Variants in PCDHA1 observed in about 807,000 individuals in gnomAD.
PCDHA1 encodes protocadherin alpha 1.
In PCDHA1, 42 loss-of-function variants were observed where a neutral mutation model predicts 61.3. That is an observed-to-expected ratio of 0.69 (90% CI 0.54 to 0.89). The LOEUF (loss-of-function observed/expected upper bound fraction) is 0.89, where lower values mean the gene tolerates loss of function less well. PCDHA1 is among the 40% of genes least tolerant of loss of function. The pLI is 0.00. For synonymous variants in PCDHA1, 610 were observed against 553.8 expected, an observed-to-expected ratio of 1.10 and a Z score of -1.43; for missense variants, 1,256 against 1,235.3, an observed-to-expected ratio of 1.02 and a Z score of -0.25.
At chr5:140,998,094 GCAAA>G (rs1182835904) in intron 3 of PCDHA1, among the ~76,000 whole-genome samples, 7 of 152,226 alleles carry the variant, frequency 4.6e-5, no homozygotes, top group African/African-American at 1.4e-4. Flanking sequence ...AAATGCTAGA[GCAAA>G]CAGAGGAGAA....
chr5:140,966,515 G>A, intron 1 of PCDHA1: 1 of 436,996 alleles, frequency 2.3e-6, no homozygotes, highest in East Asian at 3.5e-5. Context: ...AGCAGCAGCA[G>A]GAAGCCGAGC....
rs74450843 is a variant in PCDHA1 at position 140,951,654 on chromosome 5, C to A, written c.2395-27295C>A. ...GCCCCATGATCTAATCACCTCCCAC[C>A]AGGGCCTGCCTACAAAATTGGGGAT... On this transcript the variant is annotated intron_variant, in intron 1 of 3. Coordinates refer to ENST00000504120, the MANE Select transcript of PCDHA1 (RefSeq NM_018900.4). 1.1e-4 allele frequency among the ~76,000 whole-genome samples: 16 copies of A among 152,248 alleles called. No homozygotes were observed. In the East Asian group the frequency reaches 3.1e-3, roughly 29 times the overall value.
intron 1 of PCDHA1, chr5:140,870,762 C>T (rs1581982773): frequency 1.2e-6 from 2 of 1,613,514 alleles, no homozygotes; most frequent in East Asian, 2.2e-5. Context: ...TGCAGGTGTT[C>T]GTGCTGGACG....
chr5:140,823,778 T>C (rs2150129086), intron 1 of PCDHA1: 2 of 1,613,772 alleles, frequency 1.2e-6, no homozygotes, highest in East Asian at 2.2e-5. Context: ...CTGGTGTCGC[T>C]GGTGGAAAGT....
rs782622769 is a variant in PCDHA1, at chr5:140,786,587, C to G, written c.297C>G (p.Ser99Arg). Residue 99 changes from serine (S) to arginine (R), a missense_variant, in exon 1 of 4, where the codon AGC (serine) becomes AGG (arginine). Coordinates refer to ENST00000504120, the MANE Select transcript of PCDHA1 (RefSeq NM_018900.4). ...ATCGCGAGGAGCTGTGCCAGTGGAGCGCGGAGTGCAGCATCCACCTGGAGT... is the reference window on the plus strand; with the variant it reads ...ATCGCGAGGAGCTGTGCCAGTGGAGGGCGGAGTGCAGCATCCACCTGGAGT... The part of the protein sequence containing the change: ...RIDREELCQW[S>R]AECSIHLELI... The G allele has an allele frequency of 1.1e-5, 17 of 1,614,218 alleles. No individual in the cohort carries two copies. Among genetic ancestry groups the G allele is most frequent in the Non-Finnish European group, 1.4e-5 (17 of 1,180,038 alleles).
chr5:140,788,470 C>T lies in PCDHA1; in HGVS notation c.2180C>T (p.Pro727Leu), dbSNP rs1358413256. The T allele has an allele frequency of 6.2e-7, 1 of 1,614,096 alleles. No individual in the cohort carries two copies. Residue 727 changes from proline to leucine, a missense_variant, in exon 1 of 4, where the codon CCC becomes CTC. Physicochemically the swap from Pro to Leu is moderately conservative, Grantham distance 98 (BLOSUM62 -3). Coordinates refer to ENST00000504120, the MANE Select transcript of PCDHA1 (RefSeq NM_018900.4). ...LYTALRCSVP[P>L]TEGAYVPGKP... ...ACGGCGCTGCGGTGCTCAGTGCCGC[C>T]CACTGAGGGTGCGTATGTGCCGGGC... is the stretch of plus-strand genomic sequence containing the variant.
chr5:140,871,066 G>A (rs1554165067), intron 1 of PCDHA1: 4 of 1,613,276 alleles, frequency 2.5e-6, no homozygotes, highest in South Asian at 2.2e-5. Flanking sequence ...GGATCACGGT[G>A]AGCCGGCGCT....
intron 1 of PCDHA1, chr5:140,795,917 T>C (rs965421102): frequency 6.2e-7 from 1 of 1,613,832 alleles, no homozygotes; most frequent in Non-Finnish European, 8.5e-7. Flanking sequence ...TCCTACGAGA[T>C]TCAGGTCACT....
intron 1 of PCDHA1, among the ~76,000 whole-genome samples, chr5:140,792,278 A>G (rs916539514): frequency 6.6e-6 from 1 of 151,918 alleles, no homozygotes; most frequent in African/African-American, 2.4e-5. Context: ...TGTCTTTTAT[A>G]AGGGGCAACC....
At chr5:140,848,511 C>T in intron 1 of PCDHA1, 1 of 1,589,730 alleles carries the variant, frequency 6.3e-7, no homozygotes, top group Non-Finnish European at 8.6e-7. Context: ...ATACTCAAGT[C>T]GAGGAGATCC....
chr5:140,871,028 C>A (rs782198197), intron 1 of PCDHA1: 2 of 1,613,234 alleles, frequency 1.2e-6, no homozygotes, highest in Non-Finnish European at 1.7e-6. Context: ...GCAGACTCGC[C>A]GCGCCACCGA....
chr5:140,821,655 G>T, intron 1 of PCDHA1: 1 of 1,121,134 alleles, frequency 8.9e-7, no homozygotes, highest in Non-Finnish European at 1.3e-6. Flanking sequence ...TCCATTTTTG[G>T]CTGTGCCAAG....
chr5:140,831,107 C>G (rs1479291703), intron 1 of PCDHA1: 1 of 152,120 alleles, frequency 6.6e-6, no homozygotes, highest in Non-Finnish European at 1.5e-5. Context: ...AGTTATCAGC[C>G]TGAATACTTC....
chr5:140,861,263 C>T (rs1441824689), intron 1 of PCDHA1: 2 of 174,012 alleles, frequency 1.1e-5, no homozygotes, highest in African/African-American at 4.8e-5. Context: ...ATCCCGGAGC[C>T]TACAGCACTG....
chr5:140,884,054 G>C (rs1313975286), intron 1 of PCDHA1: 8 of 1,613,390 alleles, frequency 5.0e-6, no homozygotes, highest in Non-Finnish European at 4.2e-6. Context: ...GAAGGTGCGC[G>C]CGGTGGACGC....
intron 1 of PCDHA1, among the ~76,000 whole-genome samples, chr5:140,806,411 G>A (rs1763727174): frequency 6.6e-6 from 1 of 152,182 alleles, no homozygotes; most frequent in Non-Finnish European, 1.5e-5. Context: ...GAGTTCCAAT[G>A]AATAAAATTA....
Position 140,788,453 on chromosome 5 carries a change from G to A in PCDHA1, c.2163G>A (p.Leu721=). Residue 721 remains leucine (L), a synonymous_variant, in exon 1 of 4, where the codon CTG becomes CTA. Transcript: ENST00000504120. The part of the protein sequence containing the change: ...LVLTLLLYTA[L]RCSVPPTEGA... ...TCACACTGCTGCTGTACACGGCGCTGCGGTGCTCAGTGCCGCCCACTGAGG... is the reference window on the plus strand; with the variant it reads ...TCACACTGCTGCTGTACACGGCGCTACGGTGCTCAGTGCCGCCCACTGAGG... 1 of 1,614,126 alleles carries A rather than the reference G, an allele frequency of 6.2e-7. No homozygotes were observed. The highest frequency in any genetic ancestry group is 8.5e-7 in the Non-Finnish European group (1 of 1,180,004).
At chr5:140,903,545 C>T (rs1562939927) in intron 1 of PCDHA1, among the ~76,000 whole-genome samples, 3 of 152,130 alleles carry the variant, frequency 2.0e-5, no homozygotes, top group Non-Finnish European at 4.4e-5. Context: ...GAGCAAGAAA[C>T]TTTTCTAATA....
chr5:140,908,442 T>A (rs2073975632), intron 1 of PCDHA1, among the ~76,000 whole-genome samples: 1 of 152,160 alleles, frequency 6.6e-6, no homozygotes, highest in Non-Finnish European at 1.5e-5. Flanking sequence ...CACCCCACTT[T>A]ATGGCTAGAT....
Sources: allele counts gnomAD v4.1 joint callset (sites outside exome capture counted in the v4.1 genomes callset), GRCh38; gene constraint gnomAD v4.1.1; transcripts MANE v1.5; gene names NCBI Gene and HGNC (gene_info 2026-07-23, HGNC 2026-07-21).